The following SH3GLB2 variants were observed in gnomAD, a reference collection of about 807,000 sequenced individuals.
SH3GLB2 encodes SH3 domain containing GRB2 like, endophilin B2.
In SH3GLB2, 24 loss-of-function variants were observed where a neutral mutation model predicts 48.0. The observed-to-expected ratio is 0.50, with a 90% CI of 0.36 to 0.70. The LOEUF (loss-of-function observed/expected upper bound fraction) is 0.70. Ranked by LOEUF, SH3GLB2 falls within the 30% of genes least tolerant of loss-of-function variation. SH3GLB2 has a pLI of 0.00. For missense variants in SH3GLB2, 425 were observed against 516.0 expected (o/e 0.82, Z 1.71); for synonymous variants, 227 against 207.6 (o/e 1.09, Z -0.80).
Position 129,021,141 on chromosome 9 carries a change from GC to G in SH3GLB2, c.283del (p.Ala95LeufsTer21). 6.2e-7 allele frequency: 1 copy of G among 1,612,584 alleles called. No individual in the cohort carries two copies. Among genetic ancestry groups the G allele is most frequent in the Non-Finnish European group, 8.5e-7 (1 of 1,179,778 alleles). ...PSRVTNGELL[A>X]QYMADAASEL... is the part of the protein sequence containing the mutation. ...ACTGGCCGCGTCTGCCATGTACTGAGCCAGCAGCTCCCCGTTGGTGACCCTT... is the reference window on the plus strand; with the variant it reads ...ACTGGCCGCGTCTGCCATGTACTGAGCAGCAGCTCCCCGTTGGTGACCCTT... On this transcript the variant is annotated frameshift_variant, in exon 3 of 11. Transcript: ENST00000372564. LOFTEE classifies it high-confidence loss of function.
chr9:129,013,969 G>A, intron 5 of SH3GLB2: 1 of 459,312 alleles, frequency 2.2e-6, no homozygotes, highest in Admixed American at 2.4e-5. Context: ...TGAGCAAGCG[G>A]GCGGTCCAGC....
chr9:129,017,746 A>C (rs1843519155), intron 3 of SH3GLB2, among the ~76,000 whole-genome samples: 1 of 152,054 alleles, frequency 6.6e-6, no homozygotes, highest in East Asian at 1.9e-4. Flanking sequence ...AAAAAAAAAA[A>C]AATTAGCCTG....
At chr9:129,020,764 G>A (rs1263594207) in intron 3 of SH3GLB2, among the ~76,000 whole-genome samples, 6 of 151,898 alleles carry the variant, frequency 4.0e-5, no homozygotes, top group Admixed American at 3.9e-4. Context: ...CAGCTACTTG[G>A]GAGGCTGAGG....
intron 5 of SH3GLB2, chr9:129,013,264 A>G (rs1843228464): frequency 1.8e-6 from 1 of 541,418 alleles, no homozygotes; most frequent in Non-Finnish European, 3.3e-6. Flanking sequence ...CTAGCTCTGG[A>G]AAGGTGGCCT....
rs1249568726 is a variant in SH3GLB2, at chr9:129,007,606, TGAG to T, written c.*1075_*1077del. The T allele has an allele frequency of 1.3e-5, 2 of 152,134 alleles. No homozygotes were observed. The highest frequency in any genetic ancestry group is 2.4e-5 in the African/African-American group (1 of 41,428). The allele number at this position is 152,134 out of a possible 1,614,324, so 9.4% of individuals were successfully genotyped here. A position where few individuals can be genotyped will look rare whatever the true frequency, so the allele number is the denominator to read the frequency against. The stretch of plus-strand genomic sequence containing the variant: ...TGGCCACTTGCCAACTGTGGTCCCT[TGAG>T]GAGCTGACTGTCTTGCTGATCTCAT... On this transcript the variant is annotated 3_prime_UTR_variant, in exon 11 of 11. Coordinates refer to ENST00000372564, the MANE Select transcript of SH3GLB2 (RefSeq NM_020145.4).
At chr9:129,025,479 T>C (rs1209748397) in intron 1 of SH3GLB2, among the ~76,000 whole-genome samples, 1 of 150,354 alleles carries the variant, frequency 6.7e-6, no homozygotes, top group East Asian at 1.9e-4. Flanking sequence ...GGCAGAAGAA[T>C]CACTTGAACC....
chr9:129,009,734 G>T, intron 9 of SH3GLB2, 37 bp downstream of exon 9: 1 of 1,572,776 alleles, frequency 6.4e-7, no homozygotes. Flanking sequence ...ATGGGAGCCA[G>T]GGGGCCCCAG....
At position 129,009,152 on chromosome 9, in the gene SH3GLB2, T is replaced by A; in HGVS notation, c.1034A>T (p.Asp345Val). ...SGTRKARVLY[D>V]YEAADSSELA... is the part of the protein sequence containing the mutation. ...CTCACTGCTGTCGGCTGCCTCGTAG[T>A]CATAGAGCACCCGAGCTTTGCGGGT... The change falls in exon 10 of 11, where the codon GAC becomes GTC. Residue 345 changes from aspartate (D) to valine (V), a missense_variant. Asp to Val is a radical substitution (Grantham distance 152, BLOSUM62 -3). Coordinates refer to ENST00000372564, the MANE Select transcript of SH3GLB2 (RefSeq NM_020145.4). The A allele has an allele frequency of 6.2e-7, 1 of 1,611,608 alleles. No homozygotes were observed. Among genetic ancestry groups the A allele is most frequent in the South Asian group, 1.1e-5 (1 of 91,068 alleles).
At chr9:129,026,343 G>T (rs560279460) in intron 1 of SH3GLB2, among the ~76,000 whole-genome samples, 11 of 152,280 alleles carry the variant, frequency 7.2e-5, no homozygotes, top group Admixed American at 3.9e-4. Flanking sequence ...AGGCCAGCTT[G>T]GTCTCAGGCG....
At chr9:129,012,748 C>T in intron 5 of SH3GLB2, 4 of 563,668 alleles carry the variant, frequency 7.1e-6, no homozygotes, top group Non-Finnish European at 1.3e-5. Context: ...AGGGCCAGGC[C>T]CCTCCCGACA....
chr9:129,010,438 C>T (rs559351011), intron 7 of SH3GLB2: 136 of 640,350 alleles, frequency 2.1e-4, no homozygotes, highest in African/African-American at 1.5e-3. Context: ...CATCACCCAT[C>T]GGAGAAATCC....
At chr9:129,021,697 G>T (rs1843810072) in intron 2 of SH3GLB2, among the ~76,000 whole-genome samples, 1 of 151,748 alleles carries the variant, frequency 6.6e-6, no homozygotes, top group African/African-American at 2.4e-5. Context: ...GGTGGCTCCT[G>T]CCTATAATCC....
Position 129,008,309 on chromosome 9 carries a change from A to C in SH3GLB2, c.*375T>G, listed in dbSNP as rs1256052151. ...CATTCCCCTGATGCAGCTTTTGGCA[A>C]CTGAAAGGCAGGGCTCTCGCTGAGT... On this transcript the variant is annotated 3_prime_UTR_variant, in exon 11 of 11. Coordinates refer to ENST00000372564, the MANE Select transcript of SH3GLB2 (RefSeq NM_020145.4). 1 of 232,100 alleles carries C rather than the reference A, an allele frequency of 4.3e-6. No homozygotes were observed. The highest frequency in any genetic ancestry group is 2.3e-5 in the African/African-American group (1 of 43,676). 14.4% of individuals were successfully genotyped at this position (232,100 alleles called of 1,614,324 possible). A position where few individuals can be genotyped will look rare whatever the true frequency, so the allele number is the denominator to read the frequency against.
rs1207665101 is a variant in SH3GLB2 at position 129,007,468 on chromosome 9, T to C, written c.*1216A>G. 1 of 152,104 alleles carries C rather than the reference T, an allele frequency of 6.6e-6. No individual in the cohort carries two copies. The highest frequency in any genetic ancestry group is 1.5e-5 in the Non-Finnish European group (1 of 68,022). 9.4% of individuals were successfully genotyped at this position (152,104 alleles called of 1,614,324 possible). ...AGCCCCAACAGTGGGGCCTACTGGC[T>C]GTTGGCCTTCTCAGGACTGAAGTCA... On this transcript the variant is annotated 3_prime_UTR_variant, in exon 11 of 11. Transcript: ENST00000372564.
intron 1 of SH3GLB2, 59 bp from the exon 2 acceptor site, chr9:129,022,482 A>T: frequency 3.6e-5 from 45 of 1,241,138 alleles, no homozygotes; most frequent in East Asian, 5.2e-5. Flanking sequence ...GAGGTGGGGG[A>T]GTGGTGGGGA....
intron 1 of SH3GLB2, among the ~76,000 whole-genome samples, chr9:129,026,742 T>A (rs1165952867): frequency 3.3e-5 from 5 of 152,174 alleles, no homozygotes; most frequent in Non-Finnish European, 7.3e-5. Flanking sequence ...ATGTGGGAGA[T>A]AGTGTGGTTG....
rs1350736226 is a variant in SH3GLB2, at chr9:129,010,797, C to T, written c.625-104G>A. The T allele has an allele frequency of 2.1e-6, 3 of 1,401,472 alleles. No homozygotes were observed. In the East Asian group the frequency reaches 7.2e-5, roughly 34 times the overall value. The allele number at this position is 1,401,472 out of a possible 1,614,324, so 86.8% of individuals were successfully genotyped here. On this transcript the variant is annotated intron_variant, in intron 6 of 10. Transcript: ENST00000372564. ...CAGCTCCCAGACTCAACTTCTGCCC[C>T]CCTGCCCCTCTGCCCCCCCTCCCAA...
rs191278843 is a variant in SH3GLB2, at chr9:129,015,382, C to A, written c.335-478G>T. Among the ~76,000 whole-genome samples the A allele has an allele frequency of 3.9e-5, 6 of 152,224 alleles. No individual in the cohort carries two copies. In the East Asian group the frequency reaches 1.2e-3, roughly 29 times the overall value. The stretch of plus-strand genomic sequence containing the variant: ...AACTGGACACAATTGTCAAAAACAT[C>A]CATTTCTGGACTCTGCAAATTGACC... On this transcript the variant is annotated intron_variant, in intron 3 of 10. Transcript: ENST00000372564.
rs951138506 is a variant in SH3GLB2, at chr9:129,008,616, T to A, written c.*68A>T. On this transcript the variant is annotated 3_prime_UTR_variant, in exon 11 of 11. Transcript: ENST00000372564. ...AACAACTGTGTCACCAACAAACAAGTTAAGTGGCAGGGCTGCGCCCATCCT... is the reference window on the plus strand; with the variant it reads ...AACAACTGTGTCACCAACAAACAAGATAAGTGGCAGGGCTGCGCCCATCCT... 1.6e-5 allele frequency: 19 copies of A among 1,214,432 alleles called. No homozygotes were observed. Among genetic ancestry groups the A allele is most frequent in the Non-Finnish European group, 2.3e-5 (19 of 827,422 alleles). The allele number at this position is 1,214,432 out of a possible 1,614,324, so 75.2% of individuals were successfully genotyped here.
Sources: gnomAD v4.1 joint callset for allele counts (sites outside exome capture counted in the v4.1 genomes callset) on GRCh38, gnomAD v4.1.1 for gene constraint, MANE v1.5 for transcripts, NCBI Gene and HGNC (gene_info 2026-07-23, HGNC 2026-07-21) for gene names.